WNK1: variants seen among roughly 807,000 people sequenced by gnomAD.
WNK1 encodes the protein WNK lysine deficient protein kinase 1.
WNK1 carries 38 observed loss-of-function variants against 222.8 expected under a neutral mutation model. That is an observed-to-expected ratio of 0.17 (90% CI 0.13 to 0.22). The LOEUF is 0.22. Among genes scored for constraint, WNK1 ranks in the 10% least tolerant of loss-of-function variants. The probability of loss-of-function intolerance (pLI) is 1.00; values close to 1 mark genes in which losing one functional copy is unlikely to be tolerated. For synonymous variants in WNK1, 1,090 were observed against 1,092.9 expected (o/e 1.00, Z 0.05); for missense variants, 2,348 against 2,918.4 (o/e 0.80, Z 4.50).
At chr12:800,140 T>A in intron 1 of WNK1, among the ~76,000 whole-genome samples, 1 of 152,058 alleles carries the variant, frequency 6.6e-6, no homozygotes, top group Non-Finnish European at 1.5e-5. Context: ...TAAGACCCTC[T>A]GTCAAAAAAA....
intron 23 of WNK1, among the ~76,000 whole-genome samples, chr12:895,117 C>G (rs1458707830): frequency 6.6e-6 from 1 of 152,186 alleles, no homozygotes; most frequent in African/African-American, 2.4e-5. Context: ...AAGATTAATT[C>G]TTTAAATTAA....
chr12:903,748 G>C (rs1955466309), intron 26 of WNK1, among the ~76,000 whole-genome samples: 1 of 152,142 alleles, frequency 6.6e-6, no homozygotes, highest in African/African-American at 2.4e-5. Context: ...AATCCCAAGA[G>C]ACATACTTGA....
In WNK1 at chr12:889,165, A is replaced by T. The variant is rs774548155; in HGVS notation, c.5390A>T (p.Asp1797Val). 10 of 1,614,112 alleles carry T rather than the reference A, an allele frequency of 6.2e-6. No individual in the cohort carries two copies. Among genetic ancestry groups the T allele is most frequent in the Non-Finnish European group, 7.6e-6 (9 of 1,179,986 alleles). ...TQSQQPLEDL[D>V]AQLRRTLSPE... ...TCCCAGCAACCTCTAGAGGATCTTG[A>T]TGCTCAATTGAGAAGAACACTTAGT... Residue 1797 changes from aspartate to valine, a missense_variant, in exon 21 of 28, where the codon GAT becomes GTT. Around this residue, in one of 13 missense-constraint regions of WNK1, gnomAD observed 1,144 missense variants for 1,273.6 expected, o/e 0.90. Transcript: ENST00000315939.
At chr12:830,846 T>G (rs1948735454) in intron 4 of WNK1, among the ~76,000 whole-genome samples, 1 of 152,256 alleles carries the variant, frequency 6.6e-6, no homozygotes, top group African/African-American at 2.4e-5. Flanking sequence ...TGTTCAGATA[T>G]TCTCTCCATT....
At chr12:765,898 T>G (rs1180056062) in intron 1 of WNK1, among the ~76,000 whole-genome samples, 1 of 152,218 alleles carries the variant, frequency 6.6e-6, no homozygotes, top group African/African-American at 2.4e-5. Flanking sequence ...GTATACTCTA[T>G]TAATAAAGAA....
chr12:898,857 A>G (rs1291677180), intron 25 of WNK1, among the ~76,000 whole-genome samples: 6 of 152,066 alleles, frequency 3.9e-5, no homozygotes, highest in Non-Finnish European at 8.8e-5. Context: ...CTCCTGCCTC[A>G]GCCCCGCATA....
In WNK1 at chr12:856,339, G is replaced by A. The variant is rs552753134; in HGVS notation, c.1312-822G>A. On this transcript the variant is annotated intron_variant, in intron 4 of 27. Transcript: ENST00000315939. ...CATGGTGGCGTATACCTGTATTCCC[G>A]GCTACTCAGGAGGCTGAGGCAGGAG... Among the ~76,000 whole-genome samples, 19 of 151,392 alleles carry A rather than the reference G, an allele frequency of 1.3e-4. No homozygotes were observed. In the South Asian group the frequency reaches 3.4e-3, roughly 27 times the overall value.
intron 1 of WNK1, among the ~76,000 whole-genome samples, chr12:781,904 T>C (rs965582514): frequency 6.6e-6 from 1 of 152,176 alleles, no homozygotes; most frequent in Non-Finnish European, 1.5e-5. Flanking sequence ...GTTGAGTTCT[T>C]ATGGGATTTG....
At chr12:908,068 C>T (rs750064018) in intron 27 of WNK1, 34 bp downstream of exon 27, 1 of 1,609,924 alleles carries the variant, frequency 6.2e-7, no homozygotes, top group Non-Finnish European at 8.5e-7. Context: ...GAATCCGTAA[C>T]ACACATCTGA....
chr12:911,042 T>TTAA lies in WNK1; in HGVS notation c.*2258_*2260dup, dbSNP rs1216817908. 1.4e-5 allele frequency: 5 copies of TTAA among 350,354 alleles called. No homozygotes were observed. The Admixed American group carries it at 1.9e-4, about 13-fold the overall frequency. The allele number at this position is 350,354 out of a possible 1,614,324, so 21.7% of individuals were successfully genotyped here. On this transcript the variant is annotated 3_prime_UTR_variant, in exon 28 of 28. Coordinates refer to ENST00000315939, the MANE Select transcript of WNK1 (RefSeq NM_018979.4). Reference sequence around the variant, plus strand: ...GCACATTATCATTTGTTATTTGGGTTTAATAATAATTTTGACATCTTTTCA... The same window carrying TTAA: ...GCACATTATCATTTGTTATTTGGGTTTAATAATAATAATTTTGACATCTTTTCA...
intron 21 of WNK1, among the ~76,000 whole-genome samples, chr12:889,951 C>CTTTT (rs755068368): frequency 1.5e-5 from 2 of 130,428 alleles, no homozygotes; most frequent in African/African-American, 2.9e-5. Context: ...TAAAATGTAC[C>CTTTT]TTTTTTTTTT....
chr12:758,679 C>T (rs1258228554), intron 1 of WNK1, among the ~76,000 whole-genome samples: 2 of 147,150 alleles, frequency 1.4e-5, no homozygotes, highest in Non-Finnish European at 3.0e-5. Flanking sequence ...TCCCTCTTAT[C>T]TTTTAAATTT....
intron 1 of WNK1, among the ~76,000 whole-genome samples, chr12:766,624 G>A (rs989899716): frequency 1.2e-4 from 18 of 151,374 alleles, no homozygotes; most frequent in Admixed American, 5.3e-4. Flanking sequence ...GACTACAGGC[G>A]CGCACCACCA....
chr12:868,451 G>A, intron 8 of WNK1: 1 of 1,613,918 alleles, frequency 6.2e-7, no homozygotes, highest in Non-Finnish European at 8.5e-7. Context: ...TTTCCTGGTA[G>A]GACACCTTCA....
At chr12:823,120 C>T (rs1948042632) in intron 2 of WNK1, among the ~76,000 whole-genome samples, 1 of 152,022 alleles carries the variant, frequency 6.6e-6, no homozygotes, top group Non-Finnish European at 1.5e-5. Context: ...TGCTTTCTGC[C>T]CTCTATGGTT....
chr12:753,932 G>C lies in WNK1; in HGVS notation c.367G>C (p.Glu123Gln). The C allele has an allele frequency of 6.2e-7, 1 of 1,604,518 alleles. No homozygotes were observed. The highest frequency in any genetic ancestry group is 1.3e-5 in the African/African-American group (1 of 74,944). ...TGCTCCACCGGAGCCCCACCGGGAA[G>C]AGACCGTGACCGCCACCGCCACTTC... ...QSAPPEPHRE[E>Q]TVTATATSQV... Residue 123 changes from glutamate (E) to glutamine (Q), a missense_variant, in exon 1 of 28, where the codon GAG becomes CAG. Transcript: ENST00000315939. This position sits in a 1 kb window ranked among gnomAD's most constrained non-coding sequence, Gnocchi z 5.2.
intron 15 of WNK1, 135 bp from the exon 16 acceptor site, chr12:883,260 T>A: frequency 8.7e-7 from 1 of 1,151,492 alleles, no homozygotes; most frequent in Non-Finnish European, 1.3e-6. Flanking sequence ...TTGAAGTTCT[T>A]AAAAAGAGAA....
At chr12:868,249 T>C in intron 8 of WNK1, 1 of 1,602,624 alleles carries the variant, frequency 6.2e-7, no homozygotes, top group Non-Finnish European at 8.5e-7. Flanking sequence ...CAGAAGAAGC[T>C]CACTATTTTA....
intron 8 of WNK1, chr12:868,565 G>A: frequency 6.2e-7 from 1 of 1,613,940 alleles, no homozygotes; most frequent in Non-Finnish European, 8.5e-7. Context: ...CCCTGTCTTT[G>A]TTCCTCATTC....
Sources: allele counts gnomAD v4.1 joint callset (sites outside exome capture counted in the v4.1 genomes callset), GRCh38; gene constraint gnomAD v4.1.1; regional missense constraint gnomAD v4.1.1; non-coding constraint Gnocchi (gnomAD v3.1); transcripts MANE v1.5; gene names NCBI Gene and HGNC (gene_info 2026-07-23, HGNC 2026-07-21).